The following KAZN variants were observed in gnomAD, a reference collection of about 807,000 sequenced individuals.
KAZN encodes kazrin.
A neutral mutation model predicts 87.4 loss-of-function variants in KAZN; 40 were observed. The ratio of observed to expected loss-of-function variants is 0.46; its 90% CI spans 0.36 to 0.60. The LOEUF (loss-of-function observed/expected upper bound fraction) is 0.60, where lower values mean the gene tolerates loss of function less well. Ranked by LOEUF, KAZN falls within the 20% of genes least tolerant of loss-of-function variation. KAZN has a pLI of 0.00. For synonymous variants in KAZN, 466 were observed against 458.3 expected, an observed-to-expected ratio of 1.02 and a Z score of -0.22; for missense variants, 898 against 1,073.9, an observed-to-expected ratio of 0.84 and a Z score of 2.29.
At chr1:14,606,808 T>C (rs1677404345) in intron 1 of KAZN, among the ~76,000 whole-genome samples, 1 of 152,198 alleles carries the variant, frequency 6.6e-6, no homozygotes, top group African/African-American at 2.4e-5. Flanking sequence ...GCAGCATTCC[T>C]GGCCTCTACC....
intron 2 of KAZN, among the ~76,000 whole-genome samples, chr1:15,029,429 G>T (rs1447087367): frequency 1.3e-5 from 2 of 152,196 alleles, no homozygotes; most frequent in African/African-American, 4.8e-5. Flanking sequence ...CTCTCAGAGA[G>T]CCCCAGGTTA....
Position 14,599,573 on chromosome 1 carries a change from AC to A in KAZN, c.226+356del, listed in dbSNP as rs1214709191. Among the ~76,000 whole-genome samples, 4 of 150,340 alleles carry A rather than the reference AC, an allele frequency of 2.7e-5. No homozygotes were observed. Among genetic ancestry groups the A allele is most frequent in the Non-Finnish European group, 5.9e-5 (4 of 67,584 alleles). On this transcript the variant is annotated intron_variant, in intron 1 of 14. Transcript: ENST00000376030. The surrounding 1 kb of genome is among the most constrained non-coding windows in gnomAD (Gnocchi z 4.4). ...CTTTTCATGCCGGGGCCTTTTCCCC[AC>A]CCCCCGCAGGGGTGAATGGCACAGT...
At chr1:14,241,504 C>T (rs1466506188) in intron 2 of KAZN, among the ~76,000 whole-genome samples, 11 of 152,202 alleles carry the variant, frequency 7.2e-5, no homozygotes, top group Admixed American at 7.2e-4. Context: ...ATTTGGAAGC[C>T]AGAAACAGAC....
At chr1:14,380,072 TC>T (rs993710208) in intron 2 of KAZN, among the ~76,000 whole-genome samples, 1 of 151,972 alleles carries the variant, frequency 6.6e-6, no homozygotes, top group African/African-American at 2.4e-5. Context: ...AGAACAAGAG[TC>T]TGCCTGGTAA....
intron 1 of KAZN, among the ~76,000 whole-genome samples, chr1:14,066,532 A>G (rs1643016279): frequency 6.6e-6 from 1 of 152,092 alleles, no homozygotes; most frequent in African/African-American, 2.4e-5. Flanking sequence ...TAGGCAGGAG[A>G]ACAATCTGTT....
chr1:14,142,971 G>A (rs1329694975), intron 1 of KAZN, among the ~76,000 whole-genome samples: 2 of 152,088 alleles, frequency 1.3e-5, no homozygotes, highest in Non-Finnish European at 2.9e-5. Context: ...CCCCTGAAAG[G>A]AAGGACCTGT....
chr1:14,355,013 A>G (rs1658892410), intron 2 of KAZN, among the ~76,000 whole-genome samples: 1 of 152,220 alleles, frequency 6.6e-6, no homozygotes, highest in South Asian at 2.1e-4. Flanking sequence ...TTACTGAGCA[A>G]TTAAAAAAAA....
At chr1:14,399,437 G>A (rs1449497117) in intron 2 of KAZN, among the ~76,000 whole-genome samples, 4 of 152,156 alleles carry the variant, frequency 2.6e-5, no homozygotes, top group Non-Finnish European at 4.4e-5. Flanking sequence ...TGAGTTTAAT[G>A]ATGGAAAGTC....
At chr1:14,105,605 A>G (rs1644352356) in intron 1 of KAZN, among the ~76,000 whole-genome samples, 1 of 152,192 alleles carries the variant, frequency 6.6e-6, no homozygotes, top group Non-Finnish European at 1.5e-5. Flanking sequence ...AAAGTGACCA[A>G]ATGAAACACA....
chr1:15,085,511 A>G (rs541903887), intron 8 of KAZN, among the ~76,000 whole-genome samples: 3 of 152,314 alleles, frequency 2.0e-5, no homozygotes, highest in African/African-American at 7.2e-5. Flanking sequence ...TATTTTTGGT[A>G]GAGATGGGGT....
intron 1 of KAZN, among the ~76,000 whole-genome samples, chr1:13,898,324 C>A (rs1557707233): frequency 6.6e-6 from 1 of 152,192 alleles, no homozygotes; most frequent in African/African-American, 2.4e-5. Flanking sequence ...GGCTGTTGCC[C>A]CATCCCCTGG....
intron 1 of KAZN, among the ~76,000 whole-genome samples, chr1:14,710,460 C>T (rs1341631641): frequency 6.6e-6 from 1 of 152,196 alleles, no homozygotes; most frequent in Non-Finnish European, 1.5e-5. Context: ...CCTCCAGCTT[C>T]TCACCAGCCT....
At chr1:14,785,339 G>A (rs892332421) in intron 1 of KAZN, among the ~76,000 whole-genome samples, 1 of 152,140 alleles carries the variant, frequency 6.6e-6, no homozygotes, top group Non-Finnish European at 1.5e-5. Flanking sequence ...GCTTTTGAGA[G>A]AAATAATCTT....
intron 2 of KAZN, among the ~76,000 whole-genome samples, chr1:14,543,594 T>G (rs1242226949): frequency 6.6e-6 from 1 of 152,212 alleles, no homozygotes; most frequent in African/African-American, 2.4e-5. Flanking sequence ...TAAAGTTTAA[T>G]AGCACCCCTT....
chr1:14,288,424 C>A (rs1049361684), intron 2 of KAZN, among the ~76,000 whole-genome samples: 1 of 152,028 alleles, frequency 6.6e-6, no homozygotes, highest in African/African-American at 2.4e-5. Flanking sequence ...TATGTGTCCA[C>A]GAATTTATCC....
intron 4 of KAZN, among the ~76,000 whole-genome samples, chr1:15,055,341 G>A (rs1447195164): frequency 1.3e-5 from 2 of 152,162 alleles, no homozygotes; most frequent in South Asian, 2.1e-4. Flanking sequence ...GCCAGGCATG[G>A]TGGCACATGC....
chr1:14,435,336 A>C (rs1246697146), intron 2 of KAZN, among the ~76,000 whole-genome samples: 1 of 152,298 alleles, frequency 6.6e-6, no homozygotes, highest in East Asian at 1.9e-4. Flanking sequence ...AATACCCAAG[A>C]GCTCTCCTTC....
At chr1:15,041,512 T>A (rs533013976) in intron 3 of KAZN, among the ~76,000 whole-genome samples, 13 of 151,660 alleles carry the variant, frequency 8.6e-5, no homozygotes, top group Admixed American at 1.3e-4. Context: ...TAACTTTGTA[T>A]TTTTAGTAGA....
exon 1 of KAZN, chr1:13,893,174 TG>T (rs1243691131): frequency 6.6e-6 from 1 of 152,202 alleles, no homozygotes; most frequent in Non-Finnish European, 1.5e-5. Context: ...CCGGGGACCC[TG>T]GGGCAGCCTC....
Sources: allele counts gnomAD v4.1 joint callset (sites outside exome capture counted in the v4.1 genomes callset), GRCh38; gene constraint gnomAD v4.1.1; non-coding constraint Gnocchi (gnomAD v3.1); transcripts MANE v1.5; gene names NCBI Gene and HGNC (gene_info 2026-07-23, HGNC 2026-07-21).